Variants in ATG7 observed in about 807,000 individuals in gnomAD.
ATG7 encodes the protein autophagy related 7.
A neutral mutation model predicts 82.4 loss-of-function variants in ATG7; 70 were observed. The ratio of observed to expected loss-of-function variants is 0.85; its 90% CI spans 0.70 to 1.04. The LOEUF (loss-of-function observed/expected upper bound fraction) is 1.04. Ranked by LOEUF, ATG7 falls within the 50% of genes least tolerant of loss-of-function variation. The pLI is 0.00. For synonymous variants in ATG7, 287 were observed against 313.0 expected, an observed-to-expected ratio of 0.92 and a Z score of 0.88; for missense variants, 792 against 864.3, an observed-to-expected ratio of 0.92 and a Z score of 1.05.
intron 19 of ATG7, among the ~76,000 whole-genome samples, chr3:11,415,051 G>A (rs1031271061): frequency 2.6e-5 from 4 of 152,226 alleles, no homozygotes; most frequent in Non-Finnish European, 5.9e-5. Flanking sequence ...TAAGCCTACT[G>A]CACACCTAGG....
rs1169056160 is a variant in ATG7 at position 11,557,287 on chromosome 3, C to T, written c.*2444C>T. ...TATAAAGTCAGAGGAATGTATACTG[C>T]CTTGGCCCCAGCGTACGAGGAAGCG... On this transcript the variant is annotated 3_prime_UTR_variant, in exon 21 of 21. Transcript: ENST00000693202. 1 of 152,776 alleles carries T rather than the reference C, an allele frequency of 6.5e-6. No homozygotes were observed. Among genetic ancestry groups the T allele is most frequent in the Non-Finnish European group, 1.5e-5 (1 of 68,046 alleles). The allele number at this position is 152,776 out of a possible 1,614,324, so 9.5% of individuals were successfully genotyped here.
At chr3:11,304,276 A>C (rs1309894660) in intron 5 of ATG7, among the ~76,000 whole-genome samples, 1 of 152,210 alleles carries the variant, frequency 6.6e-6, no homozygotes, top group Admixed American at 6.5e-5. Context: ...CACCCAACAC[A>C]GATCTGGGGT....
intron 20 of ATG7, among the ~76,000 whole-genome samples, chr3:11,461,194 G>A (rs2086266920): frequency 6.6e-6 from 1 of 152,182 alleles, no homozygotes; most frequent in Non-Finnish European, 1.5e-5. Context: ...CTAAAATGAA[G>A]TGGAAAAATA....
chr3:11,352,254 A>T (rs1010499250), intron 14 of ATG7, among the ~76,000 whole-genome samples: 1 of 152,104 alleles, frequency 6.6e-6, no homozygotes, highest in African/African-American at 2.4e-5. Context: ...TCTATCATTG[A>T]TGGACATTTG....
intron 20 of ATG7, among the ~76,000 whole-genome samples, chr3:11,446,001 G>A (rs753020953): frequency 6.6e-6 from 1 of 152,040 alleles, no homozygotes; most frequent in Non-Finnish European, 1.5e-5. Context: ...TAGCCCCTGT[G>A]AAAAGAAAGC....
At chr3:11,573,283 GAAAGA>G in the ATG7 span, among the ~76,000 whole-genome samples, 1 of 13,504 alleles carries the variant, frequency 7.4e-5, no homozygotes, top group Admixed American at 9.6e-4. Context: ...AAGAAAGAAA[GAAAGA>G]AAGAAAGAAA....
intron 20 of ATG7, among the ~76,000 whole-genome samples, chr3:11,454,026 C>G (rs2085458235): frequency 1.3e-5 from 2 of 152,224 alleles, no homozygotes; most frequent in Admixed American, 6.5e-5. Context: ...CTCAATCTTG[C>G]TAAACTGAGC....
chr3:11,367,232 G>A (rs1334693188), intron 18 of ATG7, among the ~76,000 whole-genome samples: 1 of 152,094 alleles, frequency 6.6e-6, no homozygotes, highest in Admixed American at 6.5e-5. Flanking sequence ...ACACTGGGCT[G>A]TGTTGCAATG....
chr3:11,481,526 T>C (rs1456126248), intron 20 of ATG7, among the ~76,000 whole-genome samples: 4 of 152,216 alleles, frequency 2.6e-5, no homozygotes, highest in African/African-American at 4.8e-5. Flanking sequence ...CTCAGATTTG[T>C]CCTGTTATGA....
chr3:11,527,306 T>C (rs938836687), intron 20 of ATG7, among the ~76,000 whole-genome samples: 4 of 152,102 alleles, frequency 2.6e-5, no homozygotes, highest in East Asian at 1.9e-4. Context: ...GGTTTCGCCA[T>C]GTTGGCCAGG....
intron 19 of ATG7, among the ~76,000 whole-genome samples, chr3:11,390,196 A>G (rs991604083): frequency 2.6e-5 from 4 of 152,200 alleles, no homozygotes; most frequent in African/African-American, 9.6e-5. Flanking sequence ...TAATAGGCCT[A>G]TGTACAATAT....
At chr3:11,457,852 G>A in intron 20 of ATG7, among the ~76,000 whole-genome samples, 1 of 152,088 alleles carries the variant, frequency 6.6e-6, no homozygotes, top group East Asian at 1.9e-4. Flanking sequence ...TAGACCTTGA[G>A]CTCCTTGAAG....
intron 20 of ATG7, among the ~76,000 whole-genome samples, chr3:11,531,777 T>C (rs1559806648): frequency 6.8e-6 from 1 of 147,936 alleles, no homozygotes; most frequent in African/African-American, 2.5e-5. Context: ...GGTGGGAGGA[T>C]CACCTGAGCC....
intron 11 of ATG7, among the ~76,000 whole-genome samples, chr3:11,335,843 G>A (rs970388130): frequency 6.6e-6 from 1 of 151,884 alleles, no homozygotes; most frequent in South Asian, 2.1e-4. Flanking sequence ...GATTACAGTC[G>A]CGTGCCACCA....
At chr3:11,313,472 T>C (rs778824363) in intron 8 of ATG7, 52 bp downstream of exon 8, 4 of 1,291,980 alleles carry the variant, frequency 3.1e-6, no homozygotes, top group Non-Finnish European at 4.4e-6. Context: ...TGTGCAAGAG[T>C]AGTTATGTAG....
chr3:11,411,924 CT>C (rs2080940815), intron 19 of ATG7, among the ~76,000 whole-genome samples: 1 of 149,696 alleles, frequency 6.7e-6, no homozygotes, highest in African/African-American at 2.4e-5. Context: ...CAATTTCCTT[CT>C]TTTGCCTGTG....
chr3:11,304,031 C>T (rs1007378581), intron 5 of ATG7, among the ~76,000 whole-genome samples: 2 of 152,016 alleles, frequency 1.3e-5, no homozygotes, highest in Non-Finnish European at 2.9e-5. Flanking sequence ...GCGGAGCTTG[C>T]AGTGAGCCGA....
In ATG7 at chr3:11,504,468, C is replaced by T. The variant is rs542748972; in HGVS notation, c.2080-50343C>T. On this transcript the variant is annotated intron_variant, in intron 20 of 20. Transcript: ENST00000693202. ...GATGGAATATAGGGAATGGGAGATCCCACAAAGGAGAGATTGAAAGGCATC... is the reference window on the plus strand; with the variant it reads ...GATGGAATATAGGGAATGGGAGATCTCACAAAGGAGAGATTGAAAGGCATC... Among the ~76,000 whole-genome samples, 11 of 152,158 alleles carry T rather than the reference C, an allele frequency of 7.2e-5. No homozygotes were observed. The East Asian group carries it at 2.1e-3, about 29-fold the overall frequency.
intron 20 of ATG7, among the ~76,000 whole-genome samples, chr3:11,440,323 CTTT>C (rs59365367): frequency 1.8e-5 from 2 of 113,846 alleles, no homozygotes; most frequent in Non-Finnish European, 3.4e-5. Context: ...GGCCTTTACT[CTTT>C]TTTTTTTTTT....
Sources: allele counts gnomAD v4.1 joint callset (sites outside exome capture counted in the v4.1 genomes callset), GRCh38; gene constraint gnomAD v4.1.1; transcripts MANE v1.5; gene names NCBI Gene and HGNC (gene_info 2026-07-23, HGNC 2026-07-21).